The following SLC24A2 variants were observed in gnomAD, a reference collection of about 807,000 sequenced individuals.
SLC24A2 encodes the protein solute carrier family 24 member 2, also known as sodium/potassium/calcium exchanger 2.
SLC24A2 carries 36 observed loss-of-function variants against 62.0 expected under a neutral mutation model. The observed-to-expected ratio is 0.58, with a 90% CI of 0.44 to 0.77. SLC24A2 has a LOEUF of 0.77. Among genes scored for constraint, SLC24A2 ranks in the 30% least tolerant of loss-of-function variants. The pLI is 0.00. For synonymous variants in SLC24A2, 358 were observed against 294.0 expected (o/e 1.22, Z -2.23); for missense variants, 846 against 817.9 (o/e 1.03, Z -0.42).
At chr9:19,525,894 T>C (rs1833428610) in intron 9 of SLC24A2, among the ~76,000 whole-genome samples, 1 of 151,860 alleles carries the variant, frequency 6.6e-6, no homozygotes, top group Non-Finnish European at 1.5e-5. Context: ...AAGTGTATAA[T>C]TCAATGGTTT....
intron 2 of SLC24A2, among the ~76,000 whole-genome samples, chr9:19,725,073 T>A (rs950092066): frequency 6.6e-6 from 1 of 152,168 alleles, no homozygotes; most frequent in Admixed American, 6.6e-5. Flanking sequence ...GTACTGTACA[T>A]GCCAGTGGGG....
At chr9:20,021,215 C>T in the SLC24A2 span, among the ~76,000 whole-genome samples, 1 of 151,770 alleles carries the variant, frequency 6.6e-6, no homozygotes, top group Non-Finnish European at 1.5e-5. Flanking sequence ...GAAGGTAAAA[C>T]TGGAAGGTGA....
At chr9:19,801,427 A>T in the SLC24A2 span, among the ~76,000 whole-genome samples, 1 of 152,228 alleles carries the variant, frequency 6.6e-6, no homozygotes, top group Non-Finnish European at 1.5e-5. Context: ...AATGGCAGCA[A>T]ACAGCAGTGG....
At chr9:20,210,805 C>G in the SLC24A2 span, among the ~76,000 whole-genome samples, 1 of 150,138 alleles carries the variant, frequency 6.7e-6, no homozygotes, top group African/African-American at 2.4e-5. Flanking sequence ...CGCCCGGCCA[C>G]AGAAGGTTCT....
intron 2 of SLC24A2, among the ~76,000 whole-genome samples, chr9:19,748,279 C>G (rs1821889910): frequency 6.6e-6 from 1 of 152,172 alleles, no homozygotes; most frequent in Non-Finnish European, 1.5e-5. Context: ...CCTATTAATA[C>G]AAGAAAAAAT....
the SLC24A2 span, among the ~76,000 whole-genome samples, chr9:20,071,634 A>T: frequency 2.6e-5 from 4 of 152,168 alleles, no homozygotes; most frequent in South Asian, 8.3e-4. Flanking sequence ...TCCTCTGCTC[A>T]TACCACCAGA....
At chr9:20,098,931 T>C in the SLC24A2 span, among the ~76,000 whole-genome samples, 2 of 152,212 alleles carry the variant, frequency 1.3e-5, no homozygotes, top group South Asian at 2.1e-4. Flanking sequence ...CCTGCTCTCC[T>C]TTCAAAGTAT....
the SLC24A2 span, among the ~76,000 whole-genome samples, chr9:20,088,625 T>C: frequency 0.093 from 14,208 of 152,200 alleles, 1,162 homozygotes; most frequent in African/African-American, 0.22. Context: ...GCTGTTGTTG[T>C]CTTTGGGCTT....
chr9:20,032,976 G>A, the SLC24A2 span, among the ~76,000 whole-genome samples: 3 of 152,248 alleles, frequency 2.0e-5, no homozygotes, highest in East Asian at 5.8e-4. Context: ...GCCTTTTGGG[G>A]TCAAAAATAC....
intron 2 of SLC24A2, among the ~76,000 whole-genome samples, chr9:19,785,133 G>A (rs948158764): frequency 6.6e-6 from 1 of 152,114 alleles, no homozygotes; most frequent in East Asian, 1.9e-4. Flanking sequence ...GATGCCATTT[G>A]TCCACTATTT....
chr9:20,233,710 C>A, the SLC24A2 span, among the ~76,000 whole-genome samples: 1 of 152,126 alleles, frequency 6.6e-6, no homozygotes, highest in Non-Finnish European at 1.5e-5. Flanking sequence ...TTAATTGAAG[C>A]ATTTAGTCCA....
intron 5 of SLC24A2, among the ~76,000 whole-genome samples, chr9:19,593,135 G>A (rs1212193952): frequency 1.3e-5 from 2 of 152,212 alleles, no homozygotes; most frequent in African/African-American, 4.8e-5. Context: ...ACAGTGCTGT[G>A]AGCTTTATGA....
Position 19,528,043 on chromosome 9 carries a change from T to G in SLC24A2, c.1569+6A>C. 1 of 1,550,640 alleles carries G rather than the reference T, an allele frequency of 6.4e-7. No homozygotes were observed. Among genetic ancestry groups the G allele is most frequent in the Non-Finnish European group, 8.8e-7 (1 of 1,133,958 alleles). On this transcript the variant is annotated splice_donor_region_variant and intron_variant, in intron 9 of 10. Coordinates refer to ENST00000341998, the MANE Select transcript of SLC24A2 (RefSeq NM_020344.4). ...AGGCAGAGGCATGTCACTATCAAAATCTTACCTGGTGCGCCCACCAGACCA... is the reference window on the plus strand; with the variant it reads ...AGGCAGAGGCATGTCACTATCAAAAGCTTACCTGGTGCGCCCACCAGACCA...
intron 7 of SLC24A2, among the ~76,000 whole-genome samples, chr9:19,568,760 G>A (rs980572720): frequency 8.5e-5 from 13 of 152,136 alleles, no homozygotes; most frequent in African/African-American, 3.1e-4. Flanking sequence ...TAGTGTTGCT[G>A]CATTTTTTTT....
the SLC24A2 span, among the ~76,000 whole-genome samples, chr9:20,061,286 T>G: frequency 4.1e-5 from 6 of 147,866 alleles, no homozygotes; most frequent in Non-Finnish European, 7.4e-5. Flanking sequence ...TATGGTCAAC[T>G]GATTTTTTTT....
At chr9:20,128,156 A>G in the SLC24A2 span, among the ~76,000 whole-genome samples, 1 of 152,100 alleles carries the variant, frequency 6.6e-6, no homozygotes, top group Admixed American at 6.6e-5. Context: ...ATGGTGAAAG[A>G]AAGGGTAGGA....
the SLC24A2 span, among the ~76,000 whole-genome samples, chr9:20,303,653 G>T: frequency 6.6e-6 from 1 of 152,172 alleles, no homozygotes; most frequent in African/African-American, 2.4e-5. Flanking sequence ...CCAACCCTTA[G>T]CTGCCCAATT....
chr9:19,831,813 C>T, the SLC24A2 span, among the ~76,000 whole-genome samples: 1 of 152,108 alleles, frequency 6.6e-6, no homozygotes, highest in African/African-American at 2.4e-5. Context: ...CATTTAGAGC[C>T]AAGATATGCC....
At chr9:19,775,648 AT>A (rs35736933) in intron 2 of SLC24A2, among the ~76,000 whole-genome samples, 28,605 of 152,230 alleles carry the variant, frequency 0.19, 3,303 homozygotes, top group South Asian at 0.31. Context: ...TGGCTCTGAA[AT>A]GCTAAATAAA....
Sources: allele counts gnomAD v4.1 joint callset (sites outside exome capture counted in the v4.1 genomes callset), GRCh38; gene constraint gnomAD v4.1.1; transcripts MANE v1.5; gene names NCBI Gene and HGNC (gene_info 2026-07-23, HGNC 2026-07-21).